PTPRD: variants seen among roughly 807,000 people sequenced by gnomAD.
The protein encoded by PTPRD is protein tyrosine phosphatase receptor type D, also known as receptor-type tyrosine-protein phosphatase delta.
In PTPRD, 34 loss-of-function variants were observed where a neutral mutation model predicts 214.5. That is an observed-to-expected ratio of 0.16 (90% CI 0.12 to 0.21). The LOEUF (loss-of-function observed/expected upper bound fraction) is 0.21. Among genes scored for constraint, PTPRD ranks in the 10% least tolerant of loss-of-function variants. The pLI is 1.00. For missense variants in PTPRD, 2,545 were observed against 2,398.7 expected, an observed-to-expected ratio of 1.06 and a Z score of -1.27; for synonymous variants, 1,128 against 845.7, an observed-to-expected ratio of 1.33 and a Z score of -5.79.
chr9:10,088,544 A>T (rs1477679129), intron 3 of PTPRD, among the ~76,000 whole-genome samples: 3 of 151,758 alleles, frequency 2.0e-5, no homozygotes, highest in Non-Finnish European at 2.9e-5. Flanking sequence ...TTTTCTGTCT[A>T]TATGGAAGAA....
chr9:9,185,435 C>T (rs2099930766), intron 9 of PTPRD, among the ~76,000 whole-genome samples: 1 of 151,988 alleles, frequency 6.6e-6, no homozygotes, highest in African/African-American at 2.4e-5. Context: ...AGGGTCTCTC[C>T]AAAAGTCTCA....
At chr9:8,832,857 C>T (rs1217697460) in intron 11 of PTPRD, among the ~76,000 whole-genome samples, 8 of 151,980 alleles carry the variant, frequency 5.3e-5, no homozygotes, top group East Asian at 1.9e-4. Flanking sequence ...TTTTCATAAA[C>T]GCATACCCCC....
intron 12 of PTPRD, among the ~76,000 whole-genome samples, chr9:8,693,064 T>A (rs1352193523): frequency 6.6e-6 from 1 of 152,214 alleles, no homozygotes; most frequent in Non-Finnish European, 1.5e-5. Flanking sequence ...TTGTAAATGG[T>A]AACTCTATGA....
chr9:10,039,396 CTA>C (rs2097254901), intron 3 of PTPRD, among the ~76,000 whole-genome samples: 1 of 151,862 alleles, frequency 6.6e-6, no homozygotes, highest in Non-Finnish European at 1.5e-5. Flanking sequence ...GAAAAAGGAC[CTA>C]TATGAGTTTT....
intron 30 of PTPRD, among the ~76,000 whole-genome samples, chr9:8,473,440 G>C (rs1242070821): frequency 6.6e-6 from 1 of 152,124 alleles, no homozygotes; most frequent in Non-Finnish European, 1.5e-5. Context: ...GAATGACAGA[G>C]GCTGCAACTG....
intron 7 of PTPRD, among the ~76,000 whole-genome samples, chr9:9,670,018 A>C (rs1279586651): frequency 2.0e-5 from 3 of 152,218 alleles, no homozygotes; most frequent in African/African-American, 7.2e-5. Flanking sequence ...TACAATGAGA[A>C]AGAGGGAGAG....
Position 8,903,887 on chromosome 9 carries a change from A to G in PTPRD, c.-104+114810T>C, listed in dbSNP as rs951808494. Reference sequence around the variant, plus strand: ...TTATGTTCCACATATTTACATATTTATATCCCTCCAATTTATTTTGAAAAA... The same window carrying G: ...TTATGTTCCACATATTTACATATTTGTATCCCTCCAATTTATTTTGAAAAA... On this transcript the variant is annotated intron_variant, in intron 11 of 45. Transcript: ENST00000381196. Among the ~76,000 whole-genome samples the G allele has an allele frequency of 4.8e-5, 7 of 146,632 alleles. No individual in the cohort carries two copies. The East Asian group carries it at 1.3e-3, about 28-fold the overall frequency.
At chr9:8,341,005 T>C (rs1162670969) in intron 41 of PTPRD, 85 bp downstream of exon 41, 2 of 1,315,968 alleles carry the variant, frequency 1.5e-6, no homozygotes, top group Non-Finnish European at 1.0e-6. Flanking sequence ...TGTCTTTGAA[T>C]GGAGATGAAA....
At chr9:8,821,279 C>A (rs915141700) in intron 11 of PTPRD, among the ~76,000 whole-genome samples, 7 of 146,522 alleles carry the variant, frequency 4.8e-5, no homozygotes, top group African/African-American at 1.9e-4. Context: ...AGCCACCTCT[C>A]TCTCTCTCTG....
chr9:9,493,897 T>C (rs2096048017), intron 8 of PTPRD, among the ~76,000 whole-genome samples: 2 of 151,934 alleles, frequency 1.3e-5, no homozygotes, highest in South Asian at 2.1e-4. Flanking sequence ...AAACCTAAAC[T>C]GAAAACCTTG....
rs115378109 is a variant in PTPRD at position 9,107,563 on chromosome 9, C to T, written c.-143+75741G>A. 3.6e-3 allele frequency among the ~76,000 whole-genome samples: 553 copies of T among 152,202 alleles called. 5 individuals are homozygous for T. The highest frequency in any genetic ancestry group is 0.013 in the African/African-American group (533 of 41,524). ...ATTGTGGCAGGAGTCTGTGTGTGCA[C>T]ACACATGCACATACACACACACAGG... On this transcript the variant is annotated intron_variant, in intron 10 of 45. Coordinates refer to ENST00000381196, the MANE Select transcript of PTPRD (RefSeq NM_002839.4).
chr9:10,554,772 T>A (rs7868000), intron 2 of PTPRD, among the ~76,000 whole-genome samples: 4,382 of 152,262 alleles, frequency 0.029, 182 homozygotes, highest in African/African-American at 0.098. Context: ...GCCATTCTCC[T>A]GCCTCAGCCT....
intron 5 of PTPRD, among the ~76,000 whole-genome samples, chr9:9,931,452 A>C (rs2086510737): frequency 6.6e-6 from 1 of 152,174 alleles, no homozygotes. Context: ...TCCTAGTCAA[A>C]GAAAGGGGTG....
In PTPRD at chr9:8,511,882, C is replaced by T. The variant is rs148953896; in HGVS notation, c.1544-4448G>A. On this transcript the variant is annotated intron_variant, in intron 21 of 45. Coordinates refer to ENST00000381196, the MANE Select transcript of PTPRD (RefSeq NM_002839.4). ...AAGTACTTGAGTATTACTATAATTA[C>T]ACTCTATATAAATATGTGAAAGCAA... Among the ~76,000 whole-genome samples the T allele has an allele frequency of 5.8e-3, 887 of 152,092 alleles. 7 individuals are homozygous for T. The highest frequency in any genetic ancestry group is 9.6e-3 in the Non-Finnish European group (652 of 67,954).
intron 35 of PTPRD, among the ~76,000 whole-genome samples, chr9:8,431,979 G>A (rs188790385): frequency 2.0e-5 from 3 of 152,256 alleles, no homozygotes; most frequent in African/African-American, 7.2e-5. Flanking sequence ...TGGTTGGTAC[G>A]CTATTAATTA....
At chr9:8,583,280 C>A (rs10114773) in intron 14 of PTPRD, among the ~76,000 whole-genome samples, 8,404 of 150,676 alleles carry the variant, frequency 0.056, 774 homozygotes, top group African/African-American at 0.2. Context: ...CTTAACAGGC[C>A]AGAGACCAGT....
intron 2 of PTPRD, among the ~76,000 whole-genome samples, chr9:10,539,945 A>C (rs938518138): frequency 1.3e-5 from 2 of 152,212 alleles, no homozygotes; most frequent in Non-Finnish European, 2.9e-5. Context: ...ATTAATCAGC[A>C]ATGTTTTAAA....
intron 2 of PTPRD, among the ~76,000 whole-genome samples, chr9:10,449,936 C>T (rs1160998402): frequency 4.0e-5 from 6 of 151,686 alleles, no homozygotes; most frequent in African/African-American, 1.5e-4. Context: ...AATCTATAAC[C>T]TTACCCCCAA....
chr9:8,567,272 T>G (rs1053901616), intron 14 of PTPRD, among the ~76,000 whole-genome samples: 5 of 152,208 alleles, frequency 3.3e-5, no homozygotes, highest in Admixed American at 3.3e-4. Flanking sequence ...TGCTTCTGCC[T>G]CAAATATCAC....
Sources: gnomAD v4.1 joint callset for allele counts (sites outside exome capture counted in the v4.1 genomes callset) on GRCh38, gnomAD v4.1.1 for gene constraint, MANE v1.5 for transcripts, NCBI Gene and HGNC (gene_info 2026-07-23, HGNC 2026-07-21) for gene names.